CFAP251: variants seen among roughly 807,000 people sequenced by gnomAD.
CFAP251 encodes the protein cilia and flagella associated protein 251, also known as cilia- and flagella-associated protein 251.
A neutral mutation model predicts 126.7 loss-of-function variants in CFAP251; 93 were observed. The observed-to-expected ratio is 0.73, with a 90% CI of 0.62 to 0.87. The LOEUF is 0.87. Ranked by LOEUF, CFAP251 falls within the 40% of genes least tolerant of loss-of-function variation. CFAP251 has a pLI of 0.00. For synonymous variants in CFAP251, 503 were observed against 506.9 expected, an observed-to-expected ratio of 0.99 and a Z score of 0.10; for missense variants, 1,287 against 1,389.2, an observed-to-expected ratio of 0.93 and a Z score of 1.17.
chr12:121,922,251 C>T (rs1170555975), intron 2 of CFAP251, among the ~76,000 whole-genome samples: 3 of 151,838 alleles, frequency 2.0e-5, no homozygotes, highest in African/African-American at 7.3e-5. Flanking sequence ...AGATTACAGG[C>T]GTCCGCCACC....
At chr12:121,971,788 C>CTCATCTTGAA in intron 17 of CFAP251, 1 of 575,884 alleles carries the variant, frequency 1.7e-6, no homozygotes, top group South Asian at 2.0e-5. Flanking sequence ...CTACCCAAAT[C>CTCATCTTGAA]TCATCTTGAA....
In CFAP251 at chr12:121,999,872, C is replaced by T; in HGVS notation, c.3163C>T (p.Leu1055Phe). The T allele has an allele frequency of 6.2e-7, 1 of 1,614,180 alleles. No homozygotes were observed. The highest frequency in any genetic ancestry group is 8.5e-7 in the Non-Finnish European group (1 of 1,180,014). The change falls in exon 20 of 22, where the codon CTC becomes TTC. Residue 1055 changes from leucine to phenylalanine, a missense_variant. By Grantham distance (22) the Leu-to-Phe change is conservative (BLOSUM62 0). Transcript: ENST00000288912. The part of the protein sequence containing the change: ...MSGIHKSFEV[L>F]GYTNSKGKKA... Reference sequence around the variant, plus strand: ...TGGCATCCACAAGAGCTTTGAGGTGCTCGGTTATACCAACTCCAAAGGGAA... The same window carrying T: ...TGGCATCCACAAGAGCTTTGAGGTGTTCGGTTATACCAACTCCAAAGGGAA...
intron 3 of CFAP251, among the ~76,000 whole-genome samples, chr12:121,924,574 A>G (rs1880331920): frequency 6.6e-6 from 1 of 151,790 alleles, no homozygotes; most frequent in African/African-American, 2.4e-5. Flanking sequence ...CTGGGATTAC[A>G]GGCGCCTGCC....
chr12:121,979,212 A>C (rs572196437), intron 19 of CFAP251, among the ~76,000 whole-genome samples: 9 of 152,198 alleles, frequency 5.9e-5, no homozygotes, highest in Admixed American at 1.3e-4. Context: ...ATCACCAGGT[A>C]CTGTTGTAAG....
intron 1 of CFAP251, 122 bp from the exon 2 acceptor site, chr12:121,921,163 CT>C: frequency 8.8e-7 from 1 of 1,133,170 alleles, no homozygotes. Flanking sequence ...ACATGACATT[CT>C]TTTTATTCCT....
intron 7 of CFAP251, among the ~76,000 whole-genome samples, chr12:121,945,259 C>T (rs891938375): frequency 2.6e-4 from 40 of 152,214 alleles, no homozygotes; most frequent in African/African-American, 8.7e-4. Flanking sequence ...TCTCTGTGTT[C>T]ACTCTCGCTT....
intron 17 of CFAP251, among the ~76,000 whole-genome samples, chr12:121,973,082 A>G (rs1286550916): frequency 6.6e-6 from 1 of 152,190 alleles, no homozygotes; most frequent in East Asian, 1.9e-4. Context: ...GGCCTAGGAG[A>G]AAATGGTTTC....
intron 19 of CFAP251, among the ~76,000 whole-genome samples, chr12:121,994,061 T>C (rs1882962989): frequency 9.7e-6 from 1 of 103,156 alleles, no homozygotes; most frequent in South Asian, 3.7e-4. Flanking sequence ...AGCCGCCCCA[T>C]CCGGGAGGTG....
At chr12:121,951,434 G>C (rs1375353194) in intron 8 of CFAP251, 46 bp from the exon 9 acceptor site, 2 of 1,345,794 alleles carry the variant, frequency 1.5e-6, no homozygotes, top group Admixed American at 3.7e-5. Context: ...TTCTTCCTTT[G>C]GAAACTGGGT....
At chr12:121,968,621 G>T (rs935068907) in intron 17 of CFAP251, among the ~76,000 whole-genome samples, 1 of 152,032 alleles carries the variant, frequency 6.6e-6, no homozygotes, top group African/African-American at 2.4e-5. Flanking sequence ...AGAGTATGTG[G>T]ACTTTGAGGT....
chr12:121,971,648 G>A, intron 17 of CFAP251: 1 of 702,526 alleles, frequency 1.4e-6, no homozygotes, highest in Non-Finnish European at 2.6e-6. Flanking sequence ...AGCAATGGAG[G>A]AGGCAGTGGA....
At chr12:121,924,943 C>T (rs897072756) in intron 3 of CFAP251, among the ~76,000 whole-genome samples, 3 of 151,792 alleles carry the variant, frequency 2.0e-5, no homozygotes, top group East Asian at 1.9e-4. Flanking sequence ...CTTTCCTTCC[C>T]GCTTCCTCTC....
At chr12:121,934,838 G>A (rs1013550713) in intron 5 of CFAP251, among the ~76,000 whole-genome samples, 3 of 152,126 alleles carry the variant, frequency 2.0e-5, no homozygotes, top group Non-Finnish European at 2.9e-5. Context: ...ACAGGGTCTC[G>A]CTCCATTGCC....
chr12:121,955,073 C>T (rs543483954), intron 10 of CFAP251, among the ~76,000 whole-genome samples: 2 of 152,114 alleles, frequency 1.3e-5, no homozygotes, highest in Non-Finnish European at 1.5e-5. Flanking sequence ...GAGGCCGAGG[C>T]GGGTGGCCTC....
chr12:121,924,836 A>C (rs1880345368), intron 3 of CFAP251, among the ~76,000 whole-genome samples: 1 of 152,196 alleles, frequency 6.6e-6, no homozygotes. Flanking sequence ...CTCAGCAGGC[A>C]GGAAATTCCA....
At chr12:121,945,741 C>T (rs1881299981) in intron 7 of CFAP251, among the ~76,000 whole-genome samples, 1 of 152,000 alleles carries the variant, frequency 6.6e-6, no homozygotes, top group Admixed American at 6.6e-5. Context: ...TCTTGGCTCA[C>T]CGCAAGCTTT....
chr12:121,962,868 A>G (rs1398262772), intron 15 of CFAP251, among the ~76,000 whole-genome samples: 1 of 152,110 alleles, frequency 6.6e-6, no homozygotes, highest in East Asian at 1.9e-4. Context: ...GCAAGGGCCA[A>G]TGAGTGAAGG....
chr12:121,977,867 G>A (rs1882505924), intron 19 of CFAP251, among the ~76,000 whole-genome samples: 1 of 151,288 alleles, frequency 6.6e-6, no homozygotes, highest in Non-Finnish European at 1.5e-5. Flanking sequence ...GCTGAGGGAG[G>A]AGAATGGCGT....
intron 5 of CFAP251, among the ~76,000 whole-genome samples, chr12:121,936,896 CA>C (rs1195629796): frequency 6.6e-6 from 1 of 151,848 alleles, no homozygotes; most frequent in Non-Finnish European, 1.5e-5. Flanking sequence ...GGAAGGGGCC[CA>C]GGGGAATTCA....
Sources: gnomAD v4.1 joint callset for allele counts (sites outside exome capture counted in the v4.1 genomes callset) on GRCh38, gnomAD v4.1.1 for gene constraint, MANE v1.5 for transcripts, NCBI Gene and HGNC (gene_info 2026-07-23, HGNC 2026-07-21) for gene names.